Variants in PVT1 observed in about 807,000 individuals in gnomAD.
PVT1 encodes Pvt1 oncogene.
chr8:127,936,260 C>T (rs924926119), intron 3 of PVT1, among the ~76,000 whole-genome samples: 3 of 151,828 alleles, frequency 2.0e-5, no homozygotes, highest in East Asian at 2.0e-4. Context: ...CCATGTTGGT[C>T]GGGCTGGTCT....
Position 127,840,642 on chromosome 8 carries a change from G to A in PVT1, n.372+44571G>A, listed in dbSNP as rs549001770. ...GCCCTGGCCACACCTTGGTGGGACC[G>A]GCTCCTGGCCTTGGGGACCCTGCCA... On this transcript the variant is annotated intron_variant and non_coding_transcript_variant, in intron 2 of 10. Coordinates refer to ENST00000651587, the Ensembl canonical transcript of PVT1. Among the ~76,000 whole-genome samples the A allele has an allele frequency of 2.3e-3, 343 of 152,340 alleles. 1 individual carries two copies. The highest frequency in any genetic ancestry group is 7.6e-3 in the African/African-American group (314 of 41,580).
chr8:127,998,818 C>CCCTTCCTTCCCTCCTTCCTT (rs761730105), intron 4 of PVT1, among the ~76,000 whole-genome samples: 25 of 120,698 alleles, frequency 2.1e-4, no homozygotes, highest in African/African-American at 8.4e-4. Context: ...TCTCCTCCTC[C>CCCTTCCTTCCCTCCTTCCTT]CCTTCCTTCC....
intron 2 of PVT1, among the ~76,000 whole-genome samples, chr8:127,841,851 A>G (rs144220966): frequency 0.044 from 6,604 of 151,512 alleles, 517 homozygotes; most frequent in African/African-American, 0.15. Context: ...TCAGCCTCCC[A>G]AGTAGCTGGG....
chr8:128,040,935 T>C (rs1813524218), intron 4 of PVT1, among the ~76,000 whole-genome samples: 1 of 151,740 alleles, frequency 6.6e-6, no homozygotes, highest in Non-Finnish European at 1.5e-5. Flanking sequence ...TGCTTGTATA[T>C]GTGTGTGTTT....
intron 3 of PVT1, among the ~76,000 whole-genome samples, chr8:127,971,799 A>G (rs908718522): frequency 4.6e-5 from 7 of 152,170 alleles, no homozygotes; most frequent in Non-Finnish European, 8.8e-5. Context: ...TTCTTAGCAT[A>G]TCTGTCACCA....
intron 4 of PVT1, among the ~76,000 whole-genome samples, chr8:128,024,487 TTGG>T (rs1817471498): frequency 6.6e-6 from 1 of 151,962 alleles, no homozygotes; most frequent in Non-Finnish European, 1.5e-5. Flanking sequence ...TTAGCCTAGT[TTGG>T]TGGTGCATGC....
rs115279348 is a variant in PVT1 at position 127,945,141 on chromosome 8, C to A, written n.783-44021C>A. Among the ~76,000 whole-genome samples the A allele has an allele frequency of 3.9e-3, 600 of 152,202 alleles. 5 individuals carry two copies. The highest frequency in any genetic ancestry group is 0.014 in the African/African-American group (579 of 41,530). On this transcript the variant is annotated intron_variant and non_coding_transcript_variant, in intron 3 of 10. Transcript: ENST00000651587. ...ACAGTGGCCGAGTGTTTTTCAAGGG[C>A]CAGTTAACCATTCCCCTGTTGAGAC...
At chr8:128,089,852 T>G (rs1251712045) in intron 5 of PVT1, among the ~76,000 whole-genome samples, 2 of 152,182 alleles carry the variant, frequency 1.3e-5, no homozygotes, top group Non-Finnish European at 2.9e-5. Flanking sequence ...TAGAGAATGA[T>G]TTCATGAAGA....
intron 3 of PVT1, among the ~76,000 whole-genome samples, chr8:127,900,049 A>T (rs1479423516): frequency 6.6e-6 from 1 of 151,836 alleles, no homozygotes; most frequent in Non-Finnish European, 1.5e-5. Context: ...TTTATTTATT[A>T]TTTATTTTTT....
At chr8:127,828,183 G>A (rs528435637) in intron 2 of PVT1, among the ~76,000 whole-genome samples, 4 of 152,272 alleles carry the variant, frequency 2.6e-5, no homozygotes, top group African/African-American at 9.6e-5. Context: ...CAGTCAAGCC[G>A]AGCTGGCTCT....
At chr8:127,999,364 G>A (rs773976398) in intron 4 of PVT1, 2 of 152,098 alleles carry the variant, frequency 1.3e-5, no homozygotes, top group African/African-American at 2.4e-5. Flanking sequence ...GTGCATGCAC[G>A]TATGTGTAAA....
intron 2 of PVT1, among the ~76,000 whole-genome samples, chr8:127,867,587 C>T (rs758833980): frequency 7.2e-5 from 11 of 152,138 alleles, no homozygotes; most frequent in Non-Finnish European, 1.6e-4. Flanking sequence ...TGACAAAGGC[C>T]GGGCTGTTGG....
chr8:128,041,571 T>C (rs1813544706), intron 4 of PVT1, among the ~76,000 whole-genome samples: 1 of 148,826 alleles, frequency 6.7e-6, no homozygotes, highest in South Asian at 2.2e-4. Context: ...GTATTTTGTG[T>C]GTGTGTTTGT....
intron 2 of PVT1, among the ~76,000 whole-genome samples, chr8:127,858,589 G>A (rs1388059485): frequency 6.6e-6 from 1 of 151,758 alleles, no homozygotes; most frequent in African/African-American, 2.4e-5. Flanking sequence ...ATGTCAAAGT[G>A]GACTTTCTAT....
At chr8:128,063,987 TAAAA>T (rs200507030) in intron 4 of PVT1, among the ~76,000 whole-genome samples, 1 of 151,314 alleles carries the variant, frequency 6.6e-6, no homozygotes, top group Non-Finnish European at 1.5e-5. Flanking sequence ...ATCTGTGAAT[TAAAA>T]AAAAAGATTA....
chr8:127,816,293 G>A (rs1814658643), intron 2 of PVT1, among the ~76,000 whole-genome samples: 1 of 151,992 alleles, frequency 6.6e-6, no homozygotes, highest in East Asian at 1.9e-4. Flanking sequence ...CTGCCCCCGA[G>A]CATTCTCCCT....
At chr8:127,888,028 C>T (rs551234902) in intron 2 of PVT1, among the ~76,000 whole-genome samples, 2 of 139,954 alleles carry the variant, frequency 1.4e-5, no homozygotes, top group Admixed American at 7.8e-5. Context: ...ACAACCTCGG[C>T]CTCCTGGGTT....
chr8:127,963,216 GCT>G (rs1175261229), intron 3 of PVT1, among the ~76,000 whole-genome samples: 1 of 152,204 alleles, frequency 6.6e-6, no homozygotes, highest in Non-Finnish European at 1.5e-5. Flanking sequence ...TTCACACCAT[GCT>G]CTGTTATCCC....
intron 2 of PVT1, among the ~76,000 whole-genome samples, chr8:127,876,522 C>T (rs1259155875): frequency 6.6e-6 from 1 of 151,282 alleles, no homozygotes; most frequent in Non-Finnish European, 1.5e-5. Flanking sequence ...TAGCTGCTCC[C>T]TTCTTTCCCC....
Sources: gnomAD v4.1 joint callset for allele counts (sites outside exome capture counted in the v4.1 genomes callset) on GRCh38, gnomAD v4.1.1 for gene constraint, MANE v1.5 for transcripts, NCBI Gene and HGNC (gene_info 2026-07-23, HGNC 2026-07-21) for gene names.